TENM2: variants seen among roughly 807,000 people sequenced by gnomAD.
The protein encoded by TENM2 is teneurin transmembrane protein 2, also known as teneurin-2.
In TENM2, 52 loss-of-function variants were observed where a neutral mutation model predicts 245.2. The observed-to-expected ratio is 0.21, with a 90% confidence interval of 0.17 to 0.27. The LOEUF is 0.27. Among genes scored for constraint, TENM2 ranks in the 10% least tolerant of loss-of-function variants. TENM2 has a pLI of 1.00. For missense variants in TENM2, 3,046 were observed against 3,666.8 expected (o/e 0.83, Z 4.37); for synonymous variants, 1,363 against 1,438.9 (o/e 0.95, Z 1.19).
chr5:167,988,471 G>T (rs937002034), intron 4 of TENM2, among the ~76,000 whole-genome samples: 6 of 152,188 alleles, frequency 3.9e-5, no homozygotes, highest in African/African-American at 1.4e-4. Flanking sequence ...TGACAGGGCA[G>T]AGAGTAACAG....
intron 4 of TENM2, among the ~76,000 whole-genome samples, chr5:167,978,225 G>A (rs754006586): frequency 6.6e-6 from 1 of 152,180 alleles, no homozygotes; most frequent in South Asian, 2.1e-4. Context: ...GCAACACAAA[G>A]TGTACTGAGG....
At chr5:167,932,523 T>G (rs1373701630) in intron 3 of TENM2, among the ~76,000 whole-genome samples, 1 of 152,132 alleles carries the variant, frequency 6.6e-6, no homozygotes, top group African/African-American at 2.4e-5. Flanking sequence ...TATGCCTGTT[T>G]GTTTCATCTT....
At chr5:167,443,059 A>G (rs541558405) in intron 2 of TENM2, among the ~76,000 whole-genome samples, 52 of 152,190 alleles carry the variant, frequency 3.4e-4, no homozygotes, top group Non-Finnish European at 6.6e-4. Context: ...AAAAGGTCAC[A>G]CTGATTGATG....
the TENM2 span, among the ~76,000 whole-genome samples, chr5:167,170,761 G>T: frequency 6.6e-6 from 1 of 152,114 alleles, no homozygotes; most frequent in Non-Finnish European, 1.5e-5. Context: ...CCAAAGCAGC[G>T]TTCGTCAAAG....
chr5:167,621,499 A>T (rs936153697), intron 2 of TENM2, among the ~76,000 whole-genome samples: 1 of 152,058 alleles, frequency 6.6e-6, no homozygotes, highest in Non-Finnish European at 1.5e-5. Context: ...GTCATTTAGG[A>T]CCTTCTATGC....
the TENM2 span, among the ~76,000 whole-genome samples, chr5:166,987,819 G>A: frequency 6.6e-6 from 1 of 152,106 alleles, no homozygotes; most frequent in East Asian, 1.9e-4. Flanking sequence ...TCAAGAAGGG[G>A]TTTTGGAAAA....
chr5:167,595,576 G>A (rs190810886), intron 2 of TENM2, among the ~76,000 whole-genome samples: 72 of 152,282 alleles, frequency 4.7e-4, no homozygotes, highest in East Asian at 1.9e-3. Context: ...CATGAGATAC[G>A]TCTTGTATTG....
At chr5:167,255,910 T>G in the TENM2 span, among the ~76,000 whole-genome samples, 5 of 152,144 alleles carry the variant, frequency 3.3e-5, no homozygotes, top group Admixed American at 6.6e-5. Context: ...GCTACCAATT[T>G]TTTTTTCCTC....
chr5:167,459,803 A>G lies in TENM2; in HGVS notation c.502+84330A>G, dbSNP rs139312523. On this transcript the variant is annotated intron_variant, in intron 2 of 28. Transcript: ENST00000518659. ...ATTGAAAACATAACCAATGTGACCC[A>G]TAAGTAAATTTCCTAAATATTTGCT... Among the ~76,000 whole-genome samples, 8 of 152,258 alleles carry G rather than the reference A, an allele frequency of 5.3e-5. No homozygotes were observed. The East Asian group carries it at 1.5e-3, about 29-fold the overall frequency.
intron 2 of TENM2, among the ~76,000 whole-genome samples, chr5:167,805,348 T>G (rs1392906670): frequency 1.3e-5 from 2 of 152,192 alleles, no homozygotes; most frequent in Non-Finnish European, 2.9e-5. Flanking sequence ...CTGAGAAATT[T>G]TTTATACAAT....
chr5:167,103,275 A>G, the TENM2 span, among the ~76,000 whole-genome samples: 3 of 152,340 alleles, frequency 2.0e-5, no homozygotes, highest in African/African-American at 7.2e-5. Context: ...CCAAAGGAGC[A>G]TAGATATCTC....
At chr5:167,009,391 A>G in the TENM2 span, among the ~76,000 whole-genome samples, 1 of 152,300 alleles carries the variant, frequency 6.6e-6, no homozygotes, top group African/African-American at 2.4e-5. Context: ...ATTTTCAATA[A>G]TTACAAGTAT....
the TENM2 span, among the ~76,000 whole-genome samples, chr5:167,096,962 T>A: frequency 1.3e-5 from 2 of 152,150 alleles, no homozygotes; most frequent in Admixed American, 6.5e-5. Context: ...CTGTGAGTCA[T>A]GTTTGTCCGT....
intron 2 of TENM2, among the ~76,000 whole-genome samples, chr5:167,864,741 T>A (rs938528607): frequency 9.2e-5 from 14 of 152,218 alleles, no homozygotes; most frequent in African/African-American, 2.9e-4. Flanking sequence ...GCAGTTCACT[T>A]TCTTCATGTT....
chr5:166,989,492 C>T, the TENM2 span, among the ~76,000 whole-genome samples: 9 of 151,850 alleles, frequency 5.9e-5, no homozygotes, highest in Admixed American at 1.3e-4. Context: ...GTGATCTGCC[C>T]GATTTGGCCT....
At chr5:167,300,697 G>A (rs957645087) in intron 1 of TENM2, among the ~76,000 whole-genome samples, 2 of 152,100 alleles carry the variant, frequency 1.3e-5, no homozygotes, top group Non-Finnish European at 2.9e-5. Flanking sequence ...TGCATGATTG[G>A]TCGATAAGGA....
At chr5:167,013,762 A>T in the TENM2 span, among the ~76,000 whole-genome samples, 2 of 152,188 alleles carry the variant, frequency 1.3e-5, no homozygotes, top group Non-Finnish European at 2.9e-5. Flanking sequence ...GGTAGGTCTG[A>T]CTGAAGGAAA....
At chr5:167,058,478 G>T in the TENM2 span, among the ~76,000 whole-genome samples, 14 of 152,126 alleles carry the variant, frequency 9.2e-5, no homozygotes, top group Non-Finnish European at 1.8e-4. Context: ...ACAATTTTTG[G>T]CAAGGTATGA....
chr5:166,979,235 AGCC>A, the TENM2 span, among the ~76,000 whole-genome samples: 4 of 142,846 alleles, frequency 2.8e-5, no homozygotes, highest in African/African-American at 2.5e-5. Context: ...CAGCAGCAGC[AGCC>A]GCCGCGGCAA....
Sources: gnomAD v4.1 joint callset for allele counts (sites outside exome capture counted in the v4.1 genomes callset) on GRCh38, gnomAD v4.1.1 for gene constraint, MANE v1.5 for transcripts, NCBI Gene and HGNC (gene_info 2026-07-23, HGNC 2026-07-21) for gene names.